The following IFRD1 variants were observed in gnomAD, a reference collection of about 807,000 sequenced individuals.
The protein encoded by IFRD1 is interferon-related developmental regulator 1.
A neutral mutation model predicts 52.9 loss-of-function variants in IFRD1; 35 were observed. That is an observed-to-expected ratio of 0.66 (90% CI 0.51 to 0.88). The LOEUF (loss-of-function observed/expected upper bound fraction) is 0.88. Among genes scored for constraint, IFRD1 ranks in the 40% least tolerant of loss-of-function variants. IFRD1 has a pLI of 0.00. For missense variants in IFRD1, 517 were observed against 550.8 expected (o/e 0.94, Z 0.61); for synonymous variants, 184 against 188.4 (o/e 0.98, Z 0.19).
chr7:112,443,435 G>T (rs888372440), intron 1 of IFRD1, among the ~76,000 whole-genome samples: 5 of 151,134 alleles, frequency 3.3e-5, no homozygotes, highest in African/African-American at 1.2e-4. Context: ...AAATTAGCTG[G>T]GATACATGCG....
chr7:112,474,516 A>G (rs1795842708), intron 11 of IFRD1, among the ~76,000 whole-genome samples: 1 of 152,154 alleles, frequency 6.6e-6, no homozygotes, highest in African/African-American at 2.4e-5. Context: ...TGTTTCTTGT[A>G]CGGCATTTTA....
At chr7:112,443,786 C>T (rs150879048) in intron 1 of IFRD1, among the ~76,000 whole-genome samples, 1,886 of 149,572 alleles carry the variant, frequency 0.013, 25 homozygotes, top group Non-Finnish European at 0.021. Flanking sequence ...TGCTTGAACC[C>T]GGGAGGTGGA....
chr7:112,461,372 T>G (rs1341008838), intron 5 of IFRD1: 1 of 152,940 alleles, frequency 6.5e-6, no homozygotes, highest in African/African-American at 2.4e-5. Context: ...GAGGGTAGGC[T>G]TCTTTAGCTC....
At chr7:112,445,288 G>C (rs182369713) in intron 1 of IFRD1, among the ~76,000 whole-genome samples, 34 of 151,960 alleles carry the variant, frequency 2.2e-4, no homozygotes, top group South Asian at 6.2e-4. Flanking sequence ...GGATGGTCTC[G>C]ATCTCCTGAC....
chr7:112,473,093 G>T (rs1244237422), intron 11 of IFRD1, among the ~76,000 whole-genome samples: 4 of 151,584 alleles, frequency 2.6e-5, no homozygotes, highest in Non-Finnish European at 4.4e-5. Flanking sequence ...TGGGTGACAC[G>T]AGTGGGACCT....
intron 8 of IFRD1, 104 bp from the exon 9 acceptor site, chr7:112,467,877 T>G (rs776553397): frequency 9.4e-7 from 1 of 1,063,046 alleles, no homozygotes; most frequent in African/African-American, 1.6e-5. Flanking sequence ...CATTGCCTTA[T>G]GCAACTGGAT....
intron 4 of IFRD1, chr7:112,458,466 A>G (rs12155248): frequency 0.31 from 82,397 of 266,510 alleles, 14,406 homozygotes; most frequent in Non-Finnish European, 0.38. Flanking sequence ...AATGCTTAGG[A>G]GATTAATTCA....
chr7:112,443,925 A>AAAACC (rs1794959441), intron 1 of IFRD1, among the ~76,000 whole-genome samples: 1 of 152,002 alleles, frequency 6.6e-6, no homozygotes, highest in African/African-American at 2.4e-5. Flanking sequence ...AAACAAAAAC[A>AAAACC]AAAAAACAAA....
intron 1 of IFRD1, among the ~76,000 whole-genome samples, chr7:112,425,152 T>G (rs1221699332): frequency 6.6e-6 from 1 of 152,202 alleles, no homozygotes; most frequent in Non-Finnish European, 1.5e-5. Flanking sequence ...ATTATAGGTA[T>G]GGCACCATGC....
At chr7:112,454,868 T>G (rs1489031732) in intron 1 of IFRD1, among the ~76,000 whole-genome samples, 1 of 142,286 alleles carries the variant, frequency 7.0e-6, no homozygotes, top group Non-Finnish European at 1.5e-5. Context: ...TTTTTTTTTT[T>G]TTTTTTTTTT....
In IFRD1 at chr7:112,475,440, A is replaced by G. The variant is rs751437664; in HGVS notation, c.1277A>G (p.Asn426Ser). 4 of 1,605,828 alleles carry G rather than the reference A, an allele frequency of 2.5e-6. No individual in the cohort carries two copies. The highest frequency in any genetic ancestry group is 1.3e-5 in the African/African-American group (1 of 74,812). The change falls in exon 12 of 12, where the codon AAC becomes AGC. Residue 426 changes from asparagine to serine, a missense_variant. Coordinates refer to ENST00000403825, the MANE Select transcript of IFRD1 (RefSeq NM_001550.4). ...TTTTTTTCATTTTAGCATTTATATA[A>G]CTCTGCAGCCTTCAAAGCTCGAACC... Reference protein sequence around the residue: ...KISRFERHLYNSAAFKARTKA... With the variant: ...KISRFERHLYSSAAFKARTKA...
At chr7:112,466,748 A>G (rs554528460) in intron 8 of IFRD1, among the ~76,000 whole-genome samples, 33 of 152,252 alleles carry the variant, frequency 2.2e-4, no homozygotes, top group Non-Finnish European at 4.4e-4. Context: ...ACACATATAT[A>G]TGTTTAAAAT....
intron 1 of IFRD1, among the ~76,000 whole-genome samples, chr7:112,453,350 A>G (rs148359283): frequency 2.0e-3 from 304 of 152,350 alleles, no homozygotes; most frequent in African/African-American, 7.0e-3. Context: ...ATGTGCCTAG[A>G]GTGCCATCTC....
chr7:112,463,636 A>G (rs1351135094), intron 8 of IFRD1, among the ~76,000 whole-genome samples: 2 of 152,110 alleles, frequency 1.3e-5, no homozygotes, highest in Non-Finnish European at 2.9e-5. Flanking sequence ...TCTTAACCTC[A>G]ACGCATGGAA....
intron 9 of IFRD1, 63 bp from the exon 10 acceptor site, chr7:112,472,156 T>G: frequency 6.4e-7 from 1 of 1,554,028 alleles, no homozygotes; most frequent in Admixed American, 1.7e-5. Context: ...GAAATTGTGT[T>G]TACATAAGAT....
chr7:112,437,004 GTTTGTTTT>G (rs1282216201), intron 1 of IFRD1, among the ~76,000 whole-genome samples: 1 of 151,966 alleles, frequency 6.6e-6, no homozygotes, highest in African/African-American at 2.4e-5. Context: ...TTTTTTGTTT[GTTTGTTTT>G]TTTGAGACAG....
At chr7:112,443,563 C>T (rs993174214) in intron 1 of IFRD1, among the ~76,000 whole-genome samples, 2 of 148,208 alleles carry the variant, frequency 1.3e-5, no homozygotes, top group South Asian at 2.2e-4. Flanking sequence ...AGAGGGAGAC[C>T]CATCTCAAAA....
In IFRD1 at chr7:112,476,887, T is replaced by A. The variant is rs944483899; in HGVS notation, c.*1368T>A. The A allele has an allele frequency of 3.9e-5, 6 of 152,094 alleles. No individual in the cohort carries two copies. The highest frequency in any genetic ancestry group is 1.4e-4 in the African/African-American group (6 of 41,416). The allele number at this position is 152,094 out of a possible 1,614,324, so 9.4% of individuals were successfully genotyped here. A position where few individuals can be genotyped will look rare whatever the true frequency, so the allele number is the denominator to read the frequency against. ...GGAGAAGTATCAAAATCATTTAAGGTCTTTTTTCCAAACTAGTGTTCCCCT... is the reference window on the plus strand; with the variant it reads ...GGAGAAGTATCAAAATCATTTAAGGACTTTTTTCCAAACTAGTGTTCCCCT... On this transcript the variant is annotated 3_prime_UTR_variant, in exon 12 of 12. Coordinates refer to ENST00000403825, the MANE Select transcript of IFRD1 (RefSeq NM_001550.4).
At chr7:112,436,278 T>A (rs1403070617) in intron 1 of IFRD1, among the ~76,000 whole-genome samples, 1 of 152,244 alleles carries the variant, frequency 6.6e-6, no homozygotes, top group Non-Finnish European at 1.5e-5. Context: ...AATGAAAATA[T>A]TTGTTCAAGG....
Sources: gnomAD v4.1 joint callset for allele counts (sites outside exome capture counted in the v4.1 genomes callset) on GRCh38, gnomAD v4.1.1 for gene constraint, MANE v1.5 for transcripts, NCBI Gene and HGNC (gene_info 2026-07-23, HGNC 2026-07-21) for gene names.